The following ABCC4 variants were observed in gnomAD, a reference collection of about 807,000 sequenced individuals.
ABCC4 encodes ATP binding cassette subfamily C member 4 (PEL blood group).
Under a neutral mutation model 168.5 loss-of-function variants are expected in ABCC4, and 102 were observed. The observed-to-expected ratio is 0.61, with a 90% CI of 0.52 to 0.71. The LOEUF is 0.71. Ranked by LOEUF, ABCC4 falls within the 30% of genes least tolerant of loss-of-function variation. The pLI is 0.00. For missense variants in ABCC4, 1,402 were observed against 1,605.8 expected (o/e 0.87, Z 2.17); for synonymous variants, 617 against 590.7 (o/e 1.04, Z -0.65).
chr13:95,052,352 T>C lies in ABCC4; in HGVS notation c.3456+743A>G, dbSNP rs2032879628. Among the ~76,000 whole-genome samples, 3 of 152,172 alleles carry C rather than the reference T, an allele frequency of 2.0e-5. No homozygotes were observed. The South Asian group carries it at 6.2e-4, about 32-fold the overall frequency. On this transcript the variant is annotated intron_variant, in intron 27 of 30. Transcript: ENST00000645237. ...AGGGATTACCAGTTTTATGATATGG[T>C]TTCTGCCATCAAGTAGACTGGCACA...
At chr13:95,114,074 T>C (rs2035291419) in intron 20 of ABCC4, among the ~76,000 whole-genome samples, 1 of 152,130 alleles carries the variant, frequency 6.6e-6, no homozygotes, top group Non-Finnish European at 1.5e-5. Flanking sequence ...ACAATAACAT[T>C]AGGATTTAAC....
chr13:95,164,563 C>T (rs765676147), intron 15 of ABCC4, 45 bp from the exon 16 acceptor site: 1 of 1,604,794 alleles, frequency 6.2e-7, no homozygotes, highest in South Asian at 1.1e-5. Context: ...GTATACAAAA[C>T]TGTTCCCAAA....
At chr13:95,180,326 G>A (rs1183088055) in intron 11 of ABCC4, among the ~76,000 whole-genome samples, 1 of 152,092 alleles carries the variant, frequency 6.6e-6, no homozygotes, top group Non-Finnish European at 1.5e-5. Flanking sequence ...GGCCGACACG[G>A]GTGGATCACC....
intron 19 of ABCC4, among the ~76,000 whole-genome samples, chr13:95,141,070 T>C (rs1450903726): frequency 6.6e-6 from 1 of 152,216 alleles, no homozygotes; most frequent in African/African-American, 2.4e-5. Context: ...AGTCATAGAC[T>C]CTGCATCCCT....
intron 29 of ABCC4, among the ~76,000 whole-genome samples, chr13:95,037,319 T>C (rs988945210): frequency 1.2e-4 from 18 of 152,184 alleles, no homozygotes; most frequent in Admixed American, 1.0e-3. Flanking sequence ...TTGAACATGC[T>C]CTGCTTTTAC....
At chr13:95,154,773 C>A (rs2036803362) in intron 19 of ABCC4, among the ~76,000 whole-genome samples, 1 of 152,184 alleles carries the variant, frequency 6.6e-6, no homozygotes, top group South Asian at 2.1e-4. Context: ...CATCTTACCC[C>A]CTAGCTTATA....
chr13:95,059,231 T>G (rs1444849706), intron 26 of ABCC4, among the ~76,000 whole-genome samples: 1 of 152,232 alleles, frequency 6.6e-6, no homozygotes, highest in Non-Finnish European at 1.5e-5. Flanking sequence ...CTGACTCTGC[T>G]GTTTACTTGT....
At chr13:95,051,649 CT>C (rs1007524054) in intron 27 of ABCC4, among the ~76,000 whole-genome samples, 13 of 151,834 alleles carry the variant, frequency 8.6e-5, no homozygotes, top group South Asian at 8.3e-4. Context: ...TAAATGCTTA[CT>C]TTTTTTTAAC....
At chr13:95,113,049 C>T (rs780359863) in intron 20 of ABCC4, among the ~76,000 whole-genome samples, 4 of 152,316 alleles carry the variant, frequency 2.6e-5, no homozygotes, top group Admixed American at 1.3e-4. Context: ...GATGCCCATG[C>T]AATGGAGAAG....
intron 10 of ABCC4, among the ~76,000 whole-genome samples, chr13:95,187,299 T>A (rs574402033): frequency 1.3e-4 from 20 of 152,322 alleles, no homozygotes; most frequent in African/African-American, 4.6e-4. Context: ...ATCCTAGAAA[T>A]GCTGTATGTA....
intron 17 of ABCC4, 150 bp downstream of exon 17, chr13:95,163,460 T>C: frequency 1.3e-6 from 1 of 768,618 alleles, no homozygotes; most frequent in South Asian, 1.8e-5. Flanking sequence ...CAGTTTACAC[T>C]CCACCAGCAA....
intron 19 of ABCC4, among the ~76,000 whole-genome samples, chr13:95,136,893 T>C (rs1012584717): frequency 6.6e-6 from 1 of 152,218 alleles, no homozygotes; most frequent in Non-Finnish European, 1.5e-5. Flanking sequence ...TCAAAAAGGT[T>C]CCCACATTCA....
intron 21 of ABCC4, 102 bp from the exon 22 acceptor site, chr13:95,075,653 G>A: frequency 1.3e-6 from 2 of 1,489,380 alleles, no homozygotes; most frequent in Non-Finnish European, 1.8e-6. Context: ...AGCACACGCA[G>A]GCCTCCTAGG....
intron 20 of ABCC4, among the ~76,000 whole-genome samples, chr13:95,105,097 G>T (rs1381412399): frequency 6.6e-6 from 1 of 151,796 alleles, no homozygotes; most frequent in Non-Finnish European, 1.5e-5. Context: ...CAACTAGATG[G>T]TCCCATCTGG....
intron 4 of ABCC4, among the ~76,000 whole-genome samples, chr13:95,225,121 ACTGT>A (rs1368873267): frequency 9.8e-6 from 1 of 101,804 alleles, no homozygotes; most frequent in Non-Finnish European, 2.1e-5. Flanking sequence ...CCTCTCCCCC[ACTGT>A]CTGTCTGTCT....
intron 20 of ABCC4, among the ~76,000 whole-genome samples, chr13:95,109,167 C>T (rs545462025): frequency 2.6e-5 from 4 of 152,274 alleles, no homozygotes; most frequent in East Asian, 3.9e-4. Flanking sequence ...ATTGACTCAA[C>T]GACTATGAGT....
chr13:95,144,175 G>A (rs1325105602), intron 19 of ABCC4, among the ~76,000 whole-genome samples: 2 of 151,682 alleles, frequency 1.3e-5, no homozygotes, highest in East Asian at 3.9e-4. Flanking sequence ...TGATTAATAA[G>A]ATATCCACAT....
At chr13:95,243,098 AC>A (rs1214486305) in intron 3 of ABCC4, among the ~76,000 whole-genome samples, 1 of 152,200 alleles carries the variant, frequency 6.6e-6, no homozygotes, top group Non-Finnish European at 1.5e-5. Context: ...CACAGGACCA[AC>A]AAGTGCTCTC....
chr13:95,185,984 T>C (rs1381682105), intron 11 of ABCC4, among the ~76,000 whole-genome samples: 1 of 151,962 alleles, frequency 6.6e-6, no homozygotes, highest in Non-Finnish European at 1.5e-5. Flanking sequence ...TTTTCTTTTT[T>C]AAAGGGAGTG....
Sources: allele counts gnomAD v4.1 joint callset (sites outside exome capture counted in the v4.1 genomes callset), GRCh38; gene constraint gnomAD v4.1.1; transcripts MANE v1.5; gene names NCBI Gene and HGNC (gene_info 2026-07-23, HGNC 2026-07-21).